IQANK1: variants seen among roughly 807,000 people sequenced by gnomAD.
IQANK1 encodes IQ motif and ankyrin repeat domain-containing protein 1.
Under a neutral mutation model 22.6 loss-of-function variants are expected in IQANK1, and 30 were observed. The ratio of observed to expected loss-of-function variants is 1.33; its 90% CI spans 0.99 to 1.80. The LOEUF is 1.80. Ranked by LOEUF, IQANK1 falls within the 40% of genes most tolerant of loss-of-function variation. The pLI is 0.00. For synonymous variants in IQANK1, 122 were observed against 99.6 expected (o/e 1.23, Z -1.34); for missense variants, 275 against 235.2 (o/e 1.17, Z -1.11).
At chr8:143,748,100 T>C (rs1554627436) in intron 3 of IQANK1, among the ~76,000 whole-genome samples, 1 of 151,874 alleles carries the variant, frequency 6.6e-6, no homozygotes, top group African/African-American at 2.4e-5. Flanking sequence ...GCTCAAGCGA[T>C]TCTCCTGTCT....
Position 143,790,136 on chromosome 8 carries a change from G to A in IQANK1, c.1290-1G>A. ...AGCAGTGACCTGATGGGTGTCCCCA[G>A]GTGGCCTCTTGTTATTGACCCTTTG... On this transcript the variant is annotated splice_acceptor_variant, in intron 12 of 13. Transcript: ENST00000527139. LOFTEE classifies it high-confidence loss of function. 8.1e-7 allele frequency: 1 copy of A among 1,232,058 alleles called. No individual in the cohort carries two copies. The highest frequency in any genetic ancestry group is 1.0e-6 in the Non-Finnish European group (1 of 987,980). The allele number at this position is 1,232,058 out of a possible 1,614,324, so 76.3% of individuals were successfully genotyped here. A position where few individuals can be genotyped will look rare whatever the true frequency, so the allele number is the denominator to read the frequency against.
Position 143,773,652 on chromosome 8 carries a change from CAG to C in IQANK1, c.789+1173_789+1174del, listed in dbSNP as rs782271336. Among the ~76,000 whole-genome samples the C allele has an allele frequency of 5.3e-5, 8 of 152,256 alleles. No homozygotes were observed. In the East Asian group the frequency reaches 1.2e-3, roughly 22 times the overall value. The stretch of plus-strand genomic sequence containing the variant: ...GGAGATGCATCCACTGGACTGCTGC[CAG>C]AGTCTTTGCCCAGCTAGGGACCCAC... On this transcript the variant is annotated intron_variant, in intron 7 of 13. Transcript: ENST00000527139.
chr8:143,755,514 C>T (rs782667491), intron 3 of IQANK1, among the ~76,000 whole-genome samples: 12 of 152,112 alleles, frequency 7.9e-5, no homozygotes, highest in Non-Finnish European at 1.3e-4. Flanking sequence ...CAGGCGCCTG[C>T]CACCATGCCA....
intron 7 of IQANK1, among the ~76,000 whole-genome samples, chr8:143,781,251 T>C (rs1819793387): frequency 6.6e-6 from 1 of 152,242 alleles, no homozygotes; most frequent in Non-Finnish European, 1.5e-5. Flanking sequence ...TTTGCAGATA[T>C]GCTCTCCCAT....
At chr8:143,775,823 C>CACACACACACACACA (rs57293834) in intron 7 of IQANK1, among the ~76,000 whole-genome samples, 4 of 140,862 alleles carry the variant, frequency 2.8e-5, no homozygotes, top group African/African-American at 1.3e-4. Context: ...CACACACACA[C>CACACACACACACACA]CATTCCTAAA....
rs1424480017 is a variant in IQANK1, at chr8:143,774,186, A to G, written c.789+1704A>G. 6.6e-6 allele frequency among the ~76,000 whole-genome samples: 1 copy of G among 152,154 alleles called. No homozygotes were observed. The highest frequency in any genetic ancestry group is 6.5e-5 in the Admixed American group (1 of 15,276). ...CACAAAAAGCACAATCCAAAAAAAA[A>G]AAAAAACCACATTGATAAACAGAAC... On this transcript the variant is annotated intron_variant, in intron 7 of 13. Transcript: ENST00000527139. This position sits in a 1 kb window ranked among gnomAD's most constrained non-coding sequence, Gnocchi z 4.2.
rs935544571 is a variant in IQANK1, at chr8:143,790,059, T to C, written c.1284T>C (p.Asp428=). Residue 428 remains aspartate, a synonymous_variant, in exon 12 of 14, where the codon GAT becomes GAC. Coordinates refer to ENST00000527139, the MANE Select transcript of IQANK1 (RefSeq NM_001381874.1). ...MKDVGNRIRA[D]GRWPLVIDPL... is the part of the protein sequence containing the mutation. ...ATGTAGGCAACCGCATCCGTGCCGA[T>C]GGCCGGTCAGTTCTCCGGGCCAGAC... 5 of 1,232,134 alleles carry C rather than the reference T, an allele frequency of 4.1e-6. No individual in the cohort carries two copies. Among genetic ancestry groups the C allele is most frequent in the Non-Finnish European group, 5.1e-6 (5 of 988,006 alleles). The allele number at this position is 1,232,134 out of a possible 1,614,324, so 76.3% of individuals were successfully genotyped here.
At chr8:143,757,327 TA>T (rs1218961585) in intron 3 of IQANK1, among the ~76,000 whole-genome samples, 1 of 151,728 alleles carries the variant, frequency 6.6e-6, no homozygotes, top group African/African-American at 2.4e-5. Flanking sequence ...GTAAGGTACA[TA>T]ATGTGTCTTT....
At chr8:143,760,741 G>C (rs553094203) in intron 3 of IQANK1, among the ~76,000 whole-genome samples, 21 of 152,306 alleles carry the variant, frequency 1.4e-4, no homozygotes, top group African/African-American at 4.8e-4. Flanking sequence ...GCTATTATAA[G>C]TTTAAAGTAA....
At chr8:143,756,583 C>T (rs1236103768) in intron 3 of IQANK1, among the ~76,000 whole-genome samples, 3 of 152,020 alleles carry the variant, frequency 2.0e-5, no homozygotes, top group Non-Finnish European at 4.4e-5. Context: ...CTGGTGCCAT[C>T]GGTTCATGAT....
At chr8:143,736,146 T>A (rs1422395281) in intron 2 of IQANK1, among the ~76,000 whole-genome samples, 2 of 150,288 alleles carry the variant, frequency 1.3e-5, no homozygotes, top group African/African-American at 5.0e-5. Flanking sequence ...AATCTATTTT[T>A]TTTTTTTTTT....
intron 7 of IQANK1, among the ~76,000 whole-genome samples, chr8:143,787,383 T>C (rs1563782095): frequency 6.6e-6 from 1 of 152,100 alleles, no homozygotes; most frequent in Admixed American, 6.5e-5. Context: ...TGTCTGCATG[T>C]CCCTGGCCCC....
chr8:143,776,703 C>A (rs1554630465), intron 7 of IQANK1, among the ~76,000 whole-genome samples: 1 of 152,192 alleles, frequency 6.6e-6, no homozygotes, highest in Non-Finnish European at 1.5e-5. Flanking sequence ...ACCCTAGAGA[C>A]ATGGACACGA....
intron 3 of IQANK1, among the ~76,000 whole-genome samples, chr8:143,766,704 T>C (rs1193042286): frequency 6.6e-6 from 1 of 152,086 alleles, no homozygotes; most frequent in East Asian, 1.9e-4. Flanking sequence ...ACGTACTGAT[T>C]TTAACATGTT....
rs565146082 is a variant in IQANK1, at chr8:143,790,442, C to T, written c.1517C>T (p.Ser506Leu). Residue 506 changes from serine (S) to leucine (L), a missense_variant, in exon 14 of 14, where the codon TCG becomes TTG. Coordinates refer to ENST00000527139, the MANE Select transcript of IQANK1 (RefSeq NM_001381874.1). ...QLEAVQERYL[S>L]LLRPTDGPEY... ...GAGGCGGTGCAGGAGAGGTACCTGT[C>T]GCTGCTGCGGCCCACGGACGGGCCT... 30 of 528,378 alleles carry T rather than the reference C, an allele frequency of 5.7e-5. No individual in the cohort carries two copies. The Middle Eastern group carries it at 1.6e-3, about 29-fold the overall frequency. 32.7% of individuals were successfully genotyped at this position (528,378 alleles called of 1,614,324 possible). A position where few individuals can be genotyped will look rare whatever the true frequency, so the allele number is the denominator to read the frequency against.
At chr8:143,769,317 C>T (rs1819531754) in intron 3 of IQANK1, among the ~76,000 whole-genome samples, 1 of 151,884 alleles carries the variant, frequency 6.6e-6, no homozygotes, top group African/African-American at 2.4e-5. Flanking sequence ...ACCTTAGCCT[C>T]CCAAAGTGTT....
At chr8:143,746,504 T>C (rs1429948911) in intron 3 of IQANK1, among the ~76,000 whole-genome samples, 2 of 152,070 alleles carry the variant, frequency 1.3e-5, no homozygotes, top group East Asian at 3.9e-4. Context: ...CATCTCAGCC[T>C]CCCAAGTAGC....
intron 3 of IQANK1, among the ~76,000 whole-genome samples, chr8:143,761,053 T>G (rs6558389): frequency 0.99 from 151,378 of 152,326 alleles, 75,226 homozygotes; most frequent in Middle Eastern, 1. Context: ...TGAAGACCCA[T>G]CCTGAACCAG....
intron 3 of IQANK1, among the ~76,000 whole-genome samples, chr8:143,765,009 T>C (rs1324114141): frequency 6.6e-6 from 1 of 152,200 alleles, no homozygotes; most frequent in East Asian, 1.9e-4. Flanking sequence ...CACCATTCCC[T>C]TACTTTTAAA....
Sources: allele counts gnomAD v4.1 joint callset (sites outside exome capture counted in the v4.1 genomes callset), GRCh38; gene constraint gnomAD v4.1.1; non-coding constraint Gnocchi (gnomAD v3.1); transcripts MANE v1.5; gene names NCBI Gene and HGNC (gene_info 2026-07-23, HGNC 2026-07-21).